Variants in CACHD1 observed in about 807,000 individuals in gnomAD.
CACHD1 encodes cache domain containing 1.
Under a neutral mutation model 138.7 loss-of-function variants are expected in CACHD1, and 71 were observed. That is an observed-to-expected ratio of 0.51 (90% CI 0.42 to 0.62). The LOEUF is 0.62. Among genes scored for constraint, CACHD1 ranks in the 20% least tolerant of loss-of-function variants. The pLI, the probability that CACHD1 is intolerant of heterozygous loss-of-function variation, is 0.00. For missense variants in CACHD1, 1,389 were observed against 1,625.3 expected (o/e 0.85, Z 2.50); for synonymous variants, 578 against 591.5 (o/e 0.98, Z 0.33).
intron 16 of CACHD1, among the ~76,000 whole-genome samples, chr1:64,667,290 T>C (rs577480687): frequency 1.3e-5 from 2 of 152,326 alleles, no homozygotes; most frequent in Non-Finnish European, 2.9e-5. Context: ...AGTTTATGCT[T>C]TTCACTGGTG....
chr1:64,677,067 C>T, intron 22 of CACHD1, 56 bp downstream of exon 22: 3 of 1,343,904 alleles, frequency 2.2e-6, no homozygotes, highest in Admixed American at 3.7e-5. Context: ...ATTATTCCTA[C>T]TCTTCGTGTT....
intron 1 of CACHD1, among the ~76,000 whole-genome samples, chr1:64,533,056 C>A (rs1646601829): frequency 2.6e-5 from 4 of 152,124 alleles, no homozygotes; most frequent in Non-Finnish European, 4.4e-5. Context: ...AACAGAGCCC[C>A]AAAGAGGGGC....
At chr1:64,562,397 C>T (rs1447031794) in intron 2 of CACHD1, among the ~76,000 whole-genome samples, 4 of 139,462 alleles carry the variant, frequency 2.9e-5, no homozygotes, top group Non-Finnish European at 4.6e-5. Context: ...TATTCTTATG[C>T]TGCAGAATTT....
chr1:64,599,366 G>A (rs1168863969), intron 3 of CACHD1, among the ~76,000 whole-genome samples: 1 of 152,138 alleles, frequency 6.6e-6, no homozygotes, highest in South Asian at 2.1e-4. Context: ...AAGCAGAATG[G>A]CATTAGTCAG....
chr1:64,627,217 G>A (rs1648130869), intron 4 of CACHD1, among the ~76,000 whole-genome samples: 1 of 151,952 alleles, frequency 6.6e-6, no homozygotes. Flanking sequence ...GGCCAGCCTG[G>A]GCAACACAGT....
At chr1:64,547,857 A>AT (rs1482879744) in intron 1 of CACHD1, among the ~76,000 whole-genome samples, 10 of 152,368 alleles carry the variant, frequency 6.6e-5, no homozygotes, top group African/African-American at 2.2e-4. Context: ...GCCCCGAACT[A>AT]TAACCTAACA....
chr1:64,614,015 C>T (rs1470865711), intron 4 of CACHD1, among the ~76,000 whole-genome samples: 1 of 152,236 alleles, frequency 6.6e-6, no homozygotes, highest in African/African-American at 2.4e-5. Flanking sequence ...CTGTCATATT[C>T]AGTATTACCT....
chr1:64,558,048 C>T (rs1646811754), intron 2 of CACHD1, among the ~76,000 whole-genome samples: 1 of 152,072 alleles, frequency 6.6e-6, no homozygotes, highest in African/African-American at 2.4e-5. Context: ...CCACCCACCT[C>T]GGCCTCCCAA....
chr1:64,666,872 A>AAAAAAGAG (rs146557306), intron 16 of CACHD1, among the ~76,000 whole-genome samples: 6 of 138,022 alleles, frequency 4.3e-5, no homozygotes, highest in African/African-American at 1.2e-4. Context: ...AAAAAAAAAA[A>AAAAAAGAG]CGAGAAAGAA....
chr1:64,587,830 A>G (rs547986599), intron 3 of CACHD1, among the ~76,000 whole-genome samples: 2 of 152,294 alleles, frequency 1.3e-5, no homozygotes, highest in African/African-American at 4.8e-5. Context: ...AATTACACCT[A>G]TGGACTATAT....
intron 1 of CACHD1, among the ~76,000 whole-genome samples, chr1:64,528,030 G>A (rs985346127): frequency 6.6e-6 from 1 of 152,174 alleles, no homozygotes; most frequent in Non-Finnish European, 1.5e-5. Flanking sequence ...GGAAAGGAGT[G>A]GGGGGATGAG....
intron 24 of CACHD1, among the ~76,000 whole-genome samples, chr1:64,680,352 G>A (rs943322770): frequency 4.6e-5 from 7 of 152,068 alleles, no homozygotes; most frequent in Non-Finnish European, 8.8e-5. Context: ...AGCCGGTGCG[G>A]TGGCACCTAC....
chr1:64,658,536 A>G (rs1246381673), intron 12 of CACHD1, among the ~76,000 whole-genome samples, 169 bp from the exon 13 acceptor site: 1 of 152,154 alleles, frequency 6.6e-6, no homozygotes, highest in Non-Finnish European at 1.5e-5. Context: ...ACAAAATTAG[A>G]TACCTTCTAT....
chr1:64,581,034 C>T lies in CACHD1; in HGVS notation c.262-1122C>T, dbSNP rs115493424. On this transcript the variant is annotated intron_variant, in intron 2 of 26. Transcript: ENST00000651257. ...AAAATGAATTTGGACAACCCATTAT[C>T]CAATTAAACATTATACTCATATCCC... is the stretch of plus-strand genomic sequence containing the variant. Among the ~76,000 whole-genome samples the T allele has an allele frequency of 1.5e-3, 227 of 152,262 alleles. 1 individual carries two copies. The highest frequency in any genetic ancestry group is 5.0e-3 in the African/African-American group (207 of 41,548).
At chr1:64,686,805 CA>C (rs1421601353) in intron 26 of CACHD1, among the ~76,000 whole-genome samples, 1 of 152,026 alleles carries the variant, frequency 6.6e-6, no homozygotes, top group Non-Finnish European at 1.5e-5. Context: ...TGGCAAATTC[CA>C]AAATACTTAA....
At chr1:64,533,367 A>G (rs1202207570) in intron 1 of CACHD1, among the ~76,000 whole-genome samples, 2 of 152,160 alleles carry the variant, frequency 1.3e-5, no homozygotes, top group Non-Finnish European at 2.9e-5. Context: ...AAAACAAGAG[A>G]GAGAGGCCCT....
intron 12 of CACHD1, 55 bp from the exon 13 acceptor site, chr1:64,658,650 T>TG (rs1188128889): frequency 7.2e-7 from 1 of 1,387,042 alleles, no homozygotes; most frequent in African/African-American, 1.4e-5. Flanking sequence ...GCAAAGTCCC[T>TG]GTCCCCATGG....
chr1:64,684,250 G>A (rs566329540), intron 26 of CACHD1, among the ~76,000 whole-genome samples: 1 of 151,676 alleles, frequency 6.6e-6, no homozygotes, highest in South Asian at 2.1e-4. Flanking sequence ...CTTCAAAACT[G>A]TATCATTCCT....
chr1:64,637,230 G>T (rs1648556319), intron 7 of CACHD1, among the ~76,000 whole-genome samples: 1 of 152,172 alleles, frequency 6.6e-6, no homozygotes, highest in Non-Finnish European at 1.5e-5. Flanking sequence ...TAGACTAGCA[G>T]TTGCAAACTC....
Sources: gnomAD v4.1 joint callset for allele counts (sites outside exome capture counted in the v4.1 genomes callset) on GRCh38, gnomAD v4.1.1 for gene constraint, MANE v1.5 for transcripts, NCBI Gene and HGNC (gene_info 2026-07-23, HGNC 2026-07-21) for gene names.